Variants in CLIC5 observed in about 807,000 individuals in gnomAD.
CLIC5 encodes CLIC family member 5, also known as chloride intracellular channel protein 5.
CLIC5 carries 20 observed loss-of-function variants against 24.7 expected under a neutral mutation model. The observed-to-expected ratio is 0.81, with a 90% confidence interval of 0.57 to 1.18. The LOEUF (loss-of-function observed/expected upper bound fraction) is 1.18. Among genes scored for constraint, CLIC5 ranks in the 50% most tolerant of loss-of-function variants. The probability of loss-of-function intolerance (pLI) is 0.00; values close to 1 mark genes in which losing one functional copy is unlikely to be tolerated. For synonymous variants in CLIC5, 159 were observed against 135.6 expected (o/e 1.17, Z -1.20); for missense variants, 341 against 326.1 (o/e 1.05, Z -0.35).
At chr6:46,004,941 T>C (rs1257493733) in intron 1 of CLIC5, among the ~76,000 whole-genome samples, 1 of 152,202 alleles carries the variant, frequency 6.6e-6, no homozygotes, top group Non-Finnish European at 1.5e-5. Context: ...TTTTATGCTA[T>C]AACTATAAAA....
intron 1 of CLIC5, among the ~76,000 whole-genome samples, chr6:46,046,039 G>C (rs1284098424): frequency 6.6e-6 from 1 of 152,212 alleles, no homozygotes; most frequent in Non-Finnish European, 1.5e-5. Context: ...GGGCTGAGGA[G>C]AGGGTGCCAG....
intron 6 of CLIC5, among the ~76,000 whole-genome samples, chr6:45,887,068 C>T (rs190125451): frequency 5.3e-5 from 8 of 152,320 alleles, no homozygotes; most frequent in African/African-American, 1.4e-4. Context: ...TCTGATGATA[C>T]TTGGATGACA....
At chr6:45,960,710 A>G (rs1007285633) in intron 1 of CLIC5, among the ~76,000 whole-genome samples, 4 of 152,174 alleles carry the variant, frequency 2.6e-5, no homozygotes, top group African/African-American at 9.7e-5. Flanking sequence ...CCCCTTTGCA[A>G]GCCCCACGTG....
intron 1 of CLIC5, among the ~76,000 whole-genome samples, chr6:45,958,185 T>G (rs147235939): frequency 9.2e-5 from 14 of 151,648 alleles, no homozygotes; most frequent in South Asian, 6.3e-4. Context: ...GAGGACAAAG[T>G]CATGTGAAGA....
chr6:46,028,641 A>ATTTTT (rs200053974), intron 1 of CLIC5, among the ~76,000 whole-genome samples: 5,983 of 152,072 alleles, frequency 0.039, 169 homozygotes, highest in Non-Finnish European at 0.064. Context: ...CTCTCTCTCT[A>ATTTTT]TTAGACTTTG....
chr6:46,069,594 GA>G (rs1255313797), intron 1 of CLIC5, among the ~76,000 whole-genome samples: 9 of 150,574 alleles, frequency 6.0e-5, no homozygotes, highest in African/African-American at 2.2e-4. Context: ...AACAAAAAAA[GA>G]AAAAAAAGCC....
Position 45,914,276 on chromosome 6 carries a change from C to T in CLIC5, c.540G>A (p.Glu180=). ...GSRRKFLDGD[E]LTLADCNLLP... ...ACAGATTGCAGTCAGCCAGGGTCAG[C>T]TCATCCCCATCCAGGAACTTGCGCC... Residue 180 remains glutamate, a synonymous_variant, in exon 5 of 6, where the codon GAG becomes GAA. Transcript: ENST00000339561. The T allele has an allele frequency of 1.9e-6, 3 of 1,610,516 alleles. No individual in the cohort carries two copies. The highest frequency in any genetic ancestry group is 2.2e-5 in the South Asian group (2 of 90,534).
intron 5 of CLIC5, among the ~76,000 whole-genome samples, chr6:45,906,695 T>A (rs915651418): frequency 1.3e-5 from 2 of 152,098 alleles, no homozygotes; most frequent in Non-Finnish European, 2.9e-5. Flanking sequence ...CCTGAGTAGC[T>A]GGGATTACAG....
At chr6:46,084,331 G>A (rs964940970), upstream of CLIC5, among the ~76,000 whole-genome samples, 1 of 152,118 alleles carries the variant, frequency 6.6e-6, no homozygotes. Context: ...ATGTTAGCTG[G>A]TTATTTTGCT....
chr6:45,943,663 T>C (rs957874014), intron 3 of CLIC5, among the ~76,000 whole-genome samples: 1 of 152,254 alleles, frequency 6.6e-6, no homozygotes, highest in Admixed American at 6.5e-5. Flanking sequence ...TCTTGCTTTG[T>C]TTTGCTGTAT....
In CLIC5 at chr6:45,942,060, G is replaced by T. The variant is rs548209976; in HGVS notation, c.300-407C>A. ...CCGCTAAAATAACCATCTACTGCCA[G>T]TCCTGTGATTATAATCCTAGCTACA... On this transcript the variant is annotated intron_variant, in intron 3 of 5. Transcript: ENST00000339561. Among the ~76,000 whole-genome samples the T allele has an allele frequency of 9.9e-5, 15 of 152,266 alleles. 1 individual carries two copies. In the South Asian group the frequency reaches 3.1e-3, roughly 32 times the overall value.
At chr6:46,001,243 G>A (rs967346736) in intron 1 of CLIC5, among the ~76,000 whole-genome samples, 7 of 152,142 alleles carry the variant, frequency 4.6e-5, no homozygotes, top group African/African-American at 1.7e-4. Context: ...CCAAGAGAAG[G>A]TCCTGGGGTC....
the CLIC5 span, among the ~76,000 whole-genome samples, chr6:46,107,751 T>C: frequency 7.2e-5 from 11 of 152,166 alleles, no homozygotes; most frequent in African/African-American, 2.4e-4. Context: ...TAAAACTTAA[T>C]GGGGCTGGGT....
upstream of CLIC5, among the ~76,000 whole-genome samples, chr6:46,082,775 T>C (rs995625011): frequency 6.6e-6 from 1 of 151,652 alleles, no homozygotes; most frequent in African/African-American, 2.4e-5. Context: ...TAATCCCTGT[T>C]CCATTACTAA....
chr6:46,097,851 C>A, the CLIC5 span, among the ~76,000 whole-genome samples: 1 of 152,034 alleles, frequency 6.6e-6, no homozygotes, highest in Admixed American at 6.6e-5. Context: ...AAATGGTAAC[C>A]GTTTTTGTTA....
intron 1 of CLIC5, chr6:46,014,354 T>C (rs1360582874): frequency 6.6e-6 from 1 of 152,144 alleles, no homozygotes; most frequent in Non-Finnish European, 1.5e-5. Context: ...TAGAGAAGGA[T>C]CTTTTGGGCA....
chr6:45,968,608 T>G (rs1561971823), intron 1 of CLIC5, among the ~76,000 whole-genome samples: 1 of 152,216 alleles, frequency 6.6e-6, no homozygotes, highest in Non-Finnish European at 1.5e-5. Context: ...TAATTTCCAT[T>G]TAAAATTTTC....
chr6:46,016,933 T>C (rs1349633619), upstream of CLIC5, among the ~76,000 whole-genome samples: 1 of 152,266 alleles, frequency 6.6e-6, no homozygotes, highest in African/African-American at 2.4e-5. Context: ...CACTTACTTA[T>C]TCATTCTTCT....
At chr6:46,030,892 T>C (rs17462184) in intron 1 of CLIC5, among the ~76,000 whole-genome samples, 6,665 of 152,318 alleles carry the variant, frequency 0.044, 211 homozygotes, top group Non-Finnish European at 0.071. Context: ...GATCTTCAAG[T>C]ACAGGAGACA....
Sources: allele counts gnomAD v4.1 joint callset (sites outside exome capture counted in the v4.1 genomes callset), GRCh38; gene constraint gnomAD v4.1.1; transcripts MANE v1.5; gene names NCBI Gene and HGNC (gene_info 2026-07-23, HGNC 2026-07-21).